The following ERG variants were observed in gnomAD, a reference collection of about 807,000 sequenced individuals.
The protein encoded by ERG is transcriptional regulator ERG.
Under a neutral mutation model 55.3 loss-of-function variants are expected in ERG, and 9 were observed. That is an observed-to-expected ratio of 0.16 (90% CI 0.10 to 0.28). The LOEUF is 0.28. Among genes scored for constraint, ERG ranks in the 10% least tolerant of loss-of-function variants. The pLI is 1.00. For synonymous variants in ERG, 223 were observed against 237.3 expected, an observed-to-expected ratio of 0.94 and a Z score of 0.55; for missense variants, 434 against 631.6, an observed-to-expected ratio of 0.69 and a Z score of 3.35.
chr21:38,635,538 AC>A (rs1319033026), intron 1 of ERG, among the ~76,000 whole-genome samples: 35 of 152,376 alleles, frequency 2.3e-4, no homozygotes, highest in African/African-American at 7.9e-4. Context: ...AGGAAACTTC[AC>A]AGGCATGATT....
At chr21:38,424,258 G>A (rs895699103) in intron 2 of ERG, among the ~76,000 whole-genome samples, 4 of 150,660 alleles carry the variant, frequency 2.7e-5, no homozygotes, top group Non-Finnish European at 5.9e-5. Flanking sequence ...AGGTGGCCAG[G>A]CCATCTGCAA....
chr21:38,466,974 T>C (rs2059096833), intron 1 of ERG, among the ~76,000 whole-genome samples: 1 of 152,210 alleles, frequency 6.6e-6, no homozygotes, highest in Admixed American at 6.5e-5. Flanking sequence ...AAAGAGGGAC[T>C]AGAGCTTGTT....
chr21:38,420,659 ATC>A (rs920285138), intron 3 of ERG, among the ~76,000 whole-genome samples: 1 of 152,148 alleles, frequency 6.6e-6, no homozygotes, highest in Non-Finnish European at 1.5e-5. Context: ...CCACACAAAT[ATC>A]TCTCTTATTT....
the ERG span, among the ~76,000 whole-genome samples, chr21:38,374,310 G>C: frequency 3.9e-5 from 6 of 152,218 alleles, no homozygotes; most frequent in African/African-American, 1.4e-4. Flanking sequence ...ACTCCCTGGA[G>C]AGTACTGTAA....
intron 2 of ERG, among the ~76,000 whole-genome samples, chr21:38,536,720 T>C (rs2059713417): frequency 6.6e-6 from 1 of 152,370 alleles, no homozygotes; most frequent in East Asian, 1.9e-4. Flanking sequence ...AAATGCAAAG[T>C]GAAAATTGTG....
chr21:38,660,054 GC>G (rs1305451886), intron 1 of ERG, among the ~76,000 whole-genome samples: 1 of 59,202 alleles, frequency 1.7e-5, no homozygotes, highest in African/African-American at 4.5e-5. Flanking sequence ...ACCGCTCCTG[GC>G]GCTGAGAGCT....
rs77891753 is a variant in ERG at position 38,445,138 on chromosome 21, CTTT to C, written c.236+263_236+265del. 2.5e-3 allele frequency among the ~76,000 whole-genome samples: 337 copies of C among 136,648 alleles called. 2 individuals are homozygous for C. The highest frequency in any genetic ancestry group is 8.2e-3 in the African/African-American group (300 of 36,716). The allele number at this position is 136,648 out of a possible 152,430, so 89.6% of individuals were successfully genotyped here. A position where few individuals can be genotyped will look rare whatever the true frequency, so the allele number is the denominator to read the frequency against. On this transcript the variant is annotated intron_variant, in intron 2 of 9. Transcript: ENST00000288319. ...GGCCTTTCTTTCTTTCTTTCTTCTT[CTTT>C]TTTTTTTTTTTTTTTTGTTAGCCAG...
At chr21:38,646,261 A>C (rs2060455676) in intron 1 of ERG, among the ~76,000 whole-genome samples, 1 of 148,742 alleles carries the variant, frequency 6.7e-6, no homozygotes, top group Non-Finnish European at 1.5e-5. Flanking sequence ...AGCCTGGGTG[A>C]CAGAGGGAGT....
At chr21:38,374,855 T>G in the ERG span, among the ~76,000 whole-genome samples, 2 of 152,186 alleles carry the variant, frequency 1.3e-5, no homozygotes, top group Non-Finnish European at 2.9e-5. Context: ...GCTTGGGTTT[T>G]GTTTTGTTTT....
chr21:38,477,672 T>G (rs2059201363), intron 1 of ERG, among the ~76,000 whole-genome samples: 1 of 152,182 alleles, frequency 6.6e-6, no homozygotes, highest in African/African-American at 2.4e-5. Context: ...CATTGGCTTG[T>G]TTATGGACAT....
chr21:38,618,003 G>T (rs1243016829), intron 1 of ERG, among the ~76,000 whole-genome samples: 1 of 152,156 alleles, frequency 6.6e-6, no homozygotes, highest in African/African-American at 2.4e-5. Context: ...AGGCTTAAAA[G>T]AATGAATAAG....
At chr21:38,541,096 C>G (rs2059748954) in intron 2 of ERG, among the ~76,000 whole-genome samples, 2 of 152,174 alleles carry the variant, frequency 1.3e-5, no homozygotes, top group Admixed American at 1.3e-4. Flanking sequence ...TGTGGTACGT[C>G]TATCTGGCCT....
In ERG at chr21:38,460,239, C is replaced by T. The variant is rs2059029140; in HGVS notation, c.19-14618G>A. 1.3e-5 allele frequency among the ~76,000 whole-genome samples: 2 copies of T among 152,052 alleles called. No homozygotes were observed. The highest frequency in any genetic ancestry group is 1.5e-5 in the Non-Finnish European group (1 of 68,002). On this transcript the variant is annotated intron_variant, in intron 1 of 9. Coordinates refer to ENST00000288319, the MANE Select transcript of ERG (RefSeq NM_182918.4). The surrounding 1 kb of genome is among the most constrained non-coding windows in gnomAD (Gnocchi z 5.0). ...ACTGGAAAGGAGCGAAAGAAAGAAC[C>T]AGGAGGTGAACCAGGAAAGGCTGGG...
At chr21:38,490,952 T>C (rs1348504388) in intron 1 of ERG, among the ~76,000 whole-genome samples, 1 of 152,224 alleles carries the variant, frequency 6.6e-6, no homozygotes, top group African/African-American at 2.4e-5. Context: ...AAAAGTGGGC[T>C]GTGCTCTCTG....
At chr21:38,428,431 G>A (rs1989946954) in intron 2 of ERG, among the ~76,000 whole-genome samples, 1 of 152,154 alleles carries the variant, frequency 6.6e-6, no homozygotes, top group African/African-American at 2.4e-5. Context: ...ACCAAGCGCT[G>A]CCCAGCATAG....
At chr21:38,514,251 A>G (rs539265576) in intron 2 of ERG, among the ~76,000 whole-genome samples, 13 of 152,006 alleles carry the variant, frequency 8.6e-5, no homozygotes, top group African/African-American at 2.9e-4. Context: ...CCACTCTTAC[A>G]TAAGCTTTTC....
chr21:38,641,931 A>G (rs551681345), intron 1 of ERG, among the ~76,000 whole-genome samples: 3 of 152,334 alleles, frequency 2.0e-5, no homozygotes, highest in South Asian at 4.1e-4. Context: ...GCCTGATTCA[A>G]TTGGCCTGGG....
chr21:38,648,200 C>T (rs149510370), intron 1 of ERG, among the ~76,000 whole-genome samples: 5 of 152,260 alleles, frequency 3.3e-5, no homozygotes, highest in South Asian at 2.1e-4. Flanking sequence ...CCAGTGCAAA[C>T]GTAACTAATT....
chr21:38,411,811 T>TGCAA (rs1989068265), intron 3 of ERG, among the ~76,000 whole-genome samples: 2 of 152,228 alleles, frequency 1.3e-5, no homozygotes, highest in African/African-American at 4.8e-5. Flanking sequence ...CAAATTAAAA[T>TGCAA]ATCTCACTAA....
Sources: allele counts gnomAD v4.1 joint callset (sites outside exome capture counted in the v4.1 genomes callset), GRCh38; gene constraint gnomAD v4.1.1; non-coding constraint Gnocchi (gnomAD v3.1); transcripts MANE v1.5; gene names NCBI Gene and HGNC (gene_info 2026-07-23, HGNC 2026-07-21).